Variants in SLC39A10 observed in about 807,000 individuals in gnomAD.
SLC39A10 encodes zinc transporter ZIP10.
In SLC39A10, 13 loss-of-function variants were observed where a neutral mutation model predicts 65.1. The observed-to-expected ratio is 0.20, with a 90% CI of 0.13 to 0.32. SLC39A10 has a LOEUF of 0.32. Ranked by LOEUF, SLC39A10 falls within the 10% of genes least tolerant of loss-of-function variation. SLC39A10 has a pLI of 1.00. For synonymous variants in SLC39A10, 321 were observed against 342.2 expected (o/e 0.94, Z 0.68); for missense variants, 831 against 1,018.4 (o/e 0.82, Z 2.50).
chr2:195,655,949 T>A (rs1689135425), upstream of SLC39A10, among the ~76,000 whole-genome samples: 1 of 152,218 alleles, frequency 6.6e-6, no homozygotes, highest in Non-Finnish European at 1.5e-5. Flanking sequence ...CCATACTGAA[T>A]GGGTTTGGAA....
intron 2 of SLC39A10, among the ~76,000 whole-genome samples, chr2:195,629,779 CTAAAG>C (rs1484767365): frequency 6.6e-6 from 1 of 152,176 alleles, no homozygotes; most frequent in African/African-American, 2.4e-5. Flanking sequence ...GTCATCCAGG[CTAAAG>C]TAAAGTGGCG....
chr2:195,675,486 A>C (rs1480580557), intron 1 of SLC39A10, among the ~76,000 whole-genome samples: 1 of 152,196 alleles, frequency 6.6e-6, no homozygotes, highest in Non-Finnish European at 1.5e-5. Flanking sequence ...CCCAGGCTGG[A>C]GTGCAGTGGC....
chr2:195,706,561 A>T, intron 3 of SLC39A10, 55 bp from the exon 4 acceptor site: 1 of 1,456,992 alleles, frequency 6.9e-7, no homozygotes, highest in African/African-American at 1.4e-5. Context: ...TCTTTTTGGT[A>T]GTCTGTTGGT....
At chr2:195,704,389 C>CAA in intron 3 of SLC39A10, among the ~76,000 whole-genome samples, 1 of 152,174 alleles carries the variant, frequency 6.6e-6, no homozygotes, top group Non-Finnish European at 1.5e-5. Flanking sequence ...GTTACCAACT[C>CAA]ACTTTGTCCC....
At chr2:195,645,636 C>G (rs1044929234) in intron 2 of SLC39A10, among the ~76,000 whole-genome samples, 1 of 152,008 alleles carries the variant, frequency 6.6e-6, no homozygotes, top group African/African-American at 2.4e-5. Context: ...ACTTTCTTGT[C>G]TCTATAAATT....
intron 3 of SLC39A10, among the ~76,000 whole-genome samples, chr2:195,696,694 C>A (rs1461420055): frequency 6.6e-6 from 1 of 151,858 alleles, no homozygotes; most frequent in African/African-American, 2.4e-5. Context: ...CTACTGTTGA[C>A]CAGAAGCCTT....
intron 3 of SLC39A10, among the ~76,000 whole-genome samples, chr2:195,700,647 A>G (rs74533147): frequency 8.5e-4 from 130 of 152,254 alleles, no homozygotes; most frequent in Admixed American, 1.6e-3. Flanking sequence ...GGAATGTCTT[A>G]GTTTCTCCCT....
chr2:195,646,876 C>G (rs1011568969), intron 2 of SLC39A10, among the ~76,000 whole-genome samples: 3 of 152,152 alleles, frequency 2.0e-5, no homozygotes, highest in African/African-American at 7.2e-5. Context: ...GCAGTTTCAT[C>G]CCGAAGCCAT....
chr2:195,649,905 C>T (rs960976767), intron 2 of SLC39A10, among the ~76,000 whole-genome samples: 4 of 152,208 alleles, frequency 2.6e-5, no homozygotes, highest in East Asian at 1.9e-4. Flanking sequence ...AGTTTTTCTT[C>T]TTTCCCTTTG....
At chr2:195,687,260 CT>C (rs1690561209) in intron 3 of SLC39A10, among the ~76,000 whole-genome samples, 1 of 152,028 alleles carries the variant, frequency 6.6e-6, no homozygotes, top group African/African-American at 2.4e-5. Flanking sequence ...TTATTTGTTC[CT>C]TACAGAGAAA....
At chr2:195,684,502 A>AGGTTTAATATAAG (rs1690449887) in intron 3 of SLC39A10, among the ~76,000 whole-genome samples, 3 of 152,050 alleles carry the variant, frequency 2.0e-5, no homozygotes, top group Non-Finnish European at 2.9e-5. Flanking sequence ...GGTACCTCCC[A>AGGTTTAATATAAG]CTTAATATTT....
Position 195,713,464 on chromosome 2 carries a change from C to T in SLC39A10, c.1607C>T (p.Thr536Ile), listed in dbSNP as rs1184836487. The T allele has an allele frequency of 6.3e-7, 1 of 1,575,924 alleles. No individual in the cohort carries two copies. The highest frequency in any genetic ancestry group is 8.6e-7 in the Non-Finnish European group (1 of 1,168,858). Residue 536 changes from threonine to isoleucine, a missense_variant, in exon 6 of 10, where the codon ACA becomes ATA. Around this residue, in one of 4 missense-constraint regions of SLC39A10, gnomAD observed 230 missense variants for 242.9 expected, o/e 0.95. Transcript: ENST00000359634. ...GKQKWFMKQNTEESTIGRKLS... is the reference protein window; with the variant it reads ...GKQKWFMKQNIEESTIGRKLS... ...CAGAAATGGTTTATGAAACAGAACA[C>T]AGAAGAATCAACTATTGGAAGAAAG...
chr2:195,629,249 C>G (rs1341773286), intron 2 of SLC39A10, among the ~76,000 whole-genome samples: 2 of 152,040 alleles, frequency 1.3e-5, no homozygotes, highest in Admixed American at 1.3e-4. Context: ...CACAAATTAG[C>G]CAGATGTGGT....
intron 1 of SLC39A10, among the ~76,000 whole-genome samples, chr2:195,664,720 A>G (rs558262344): frequency 6.6e-6 from 1 of 152,338 alleles, no homozygotes; most frequent in Admixed American, 6.5e-5. Context: ...TGGTGGCAGT[A>G]TAACCAAGCT....
intron 2 of SLC39A10, among the ~76,000 whole-genome samples, chr2:195,625,416 C>G (rs1370148230): frequency 1.3e-5 from 2 of 151,588 alleles, no homozygotes; most frequent in Non-Finnish European, 2.9e-5. Flanking sequence ...GCTGGAATTA[C>G]AGGCACCTGC....
intron 6 of SLC39A10, among the ~76,000 whole-genome samples, chr2:195,715,530 A>C (rs992270546): frequency 3.3e-4 from 49 of 150,414 alleles, no homozygotes; most frequent in Non-Finnish European, 5.8e-4. Context: ...TGTCTCAAAA[A>C]AAAAAAAAAA....
At chr2:195,727,215 G>A (rs1019455172) in intron 8 of SLC39A10, among the ~76,000 whole-genome samples, 1 of 152,124 alleles carries the variant, frequency 6.6e-6, no homozygotes, top group Non-Finnish European at 1.5e-5. Flanking sequence ...GGCGGGAGGA[G>A]AGTCCATTGA....
chr2:195,670,606 A>G (rs1009766553), intron 1 of SLC39A10: 1 of 152,170 alleles, frequency 6.6e-6, no homozygotes, highest in African/African-American at 2.4e-5. Context: ...TTTCTATTAC[A>G]ATATTTTTTA....
chr2:195,637,605 GGTATATGTACAGCTCCT>G (rs1288908061), intron 2 of SLC39A10, among the ~76,000 whole-genome samples: 1 of 152,166 alleles, frequency 6.6e-6, no homozygotes, highest in East Asian at 1.9e-4. Context: ...AACAGTAATG[GGTATATGTACAGCTCCT>G]GTTGGAAGAA....
Sources: gnomAD v4.1 joint callset for allele counts (sites outside exome capture counted in the v4.1 genomes callset) on GRCh38, gnomAD v4.1.1 for gene constraint, gnomAD v4.1.1 regional missense constraint, MANE v1.5 for transcripts, NCBI Gene and HGNC (gene_info 2026-07-23, HGNC 2026-07-21) for gene names.